Variants in DRC3 observed in about 807,000 individuals in gnomAD.
DRC3 encodes leucine rich repeat containing 48.
DRC3 carries 45 observed loss-of-function variants against 57.6 expected under a neutral mutation model. That is an observed-to-expected ratio of 0.78 (90% CI 0.62 to 1.00). The LOEUF (loss-of-function observed/expected upper bound fraction) is 1.00. Ranked by LOEUF, DRC3 falls within the 50% of genes least tolerant of loss-of-function variation. The pLI is 0.00. For synonymous variants in DRC3, 257 were observed against 272.3 expected (o/e 0.94, Z 0.55); for missense variants, 655 against 675.2 (o/e 0.97, Z 0.33).
intron 3 of DRC3, among the ~76,000 whole-genome samples, chr17:17,982,963 G>T (rs1010152282): frequency 6.6e-6 from 1 of 152,240 alleles, no homozygotes; most frequent in Non-Finnish European, 1.5e-5. Context: ...AGAGCTGTAC[G>T]TGGCTTCTGG....
At position 17,991,099 on chromosome 17, in the gene DRC3, TCATAATTTAGC is replaced by T. The variant is rs543427432; in HGVS notation, c.445-1665_445-1655del. On this transcript the variant is annotated intron_variant, in intron 5 of 13. Coordinates refer to ENST00000399187, the MANE Select transcript of DRC3 (RefSeq NM_031294.4). Reference sequence around the variant, plus strand: ...ACAGGCCTTGTTCCCCACTGTATCTTCATAATTTAGCACATGCCGGAGGCCTGCTAGGTGAC... The same window carrying T: ...ACAGGCCTTGTTCCCCACTGTATCTTACATGCCGGAGGCCTGCTAGGTGAC... Among the ~76,000 whole-genome samples the T allele has an allele frequency of 2.7e-3, 415 of 152,332 alleles. 2 individuals are homozygous for T. The highest frequency in any genetic ancestry group is 9.6e-3 in the African/African-American group (397 of 41,564).
intron 2 of DRC3, among the ~76,000 whole-genome samples, chr17:17,975,772 G>A (rs759287533): frequency 1.4e-4 from 21 of 152,164 alleles, no homozygotes; most frequent in Non-Finnish European, 2.2e-4. Context: ...TTGGGAGGAC[G>A]GAAGGCACAG....
chr17:17,989,514 T>G (rs2043128508), intron 5 of DRC3: 1 of 152,410 alleles, frequency 6.6e-6, no homozygotes, highest in African/African-American at 2.4e-5. Flanking sequence ...TAAGAGAAGC[T>G]GGCCCCAAAC....
intron 12 of DRC3, among the ~76,000 whole-genome samples, chr17:18,010,064 G>A (rs2044115234): frequency 6.6e-6 from 1 of 152,208 alleles, no homozygotes; most frequent in Admixed American, 6.5e-5. Context: ...AGGGCAGGGT[G>A]AGTGCTCAGG....
Position 17,977,677 on chromosome 17 carries a change from C to T in DRC3, c.79C>T (p.Pro27Ser). ...MLKLAVGDQG[P>S]QEEAGQLAKQ... ...CAAGCTGGCCGTCGGGGACCAGGGC[C>T]CCCAGGAGGAGGCCGGGCAGCTGGC... Residue 27 changes from proline to serine, a missense_variant, in exon 3 of 14, where the codon CCC (proline) becomes TCC (serine). Transcript: ENST00000399187. 6.2e-7 allele frequency: 1 copy of T among 1,613,882 alleles called. No individual in the cohort carries two copies.
chr17:18,016,674 G>T lies in DRC3; in HGVS notation c.*3G>T. On this transcript the variant is annotated 3_prime_UTR_variant, in exon 14 of 14. Transcript: ENST00000399187. ...AATGTGGCGACATCCTAGACTAGAT[G>T]AATGTCAGCCACAGGAGCTTCTTCA... 8.2e-6 allele frequency: 13 copies of T among 1,594,746 alleles called. No homozygotes were observed. Among genetic ancestry groups the T allele is most frequent in the Non-Finnish European group, 1.1e-5 (13 of 1,162,814 alleles).
chr17:17,982,017 C>T (rs2042715744), intron 3 of DRC3, among the ~76,000 whole-genome samples: 1 of 149,334 alleles, frequency 6.7e-6, no homozygotes, highest in East Asian at 2.0e-4. Context: ...TTTTTTTAAA[C>T]AGTCTCACTC....
intron 3 of DRC3, among the ~76,000 whole-genome samples, chr17:17,979,598 T>C (rs2042556152): frequency 6.6e-6 from 1 of 152,176 alleles, no homozygotes; most frequent in South Asian, 2.1e-4. Context: ...TCCTGATTTG[T>C]TGTGTTGTTT....
At position 17,994,415 on chromosome 17, in the gene DRC3, C is replaced by T. The variant is rs889301896; in HGVS notation, c.708C>T (p.His236=). Residue 236 remains histidine (H), a synonymous_variant, in exon 7 of 14, where the codon CAC becomes CAT. Transcript: ENST00000399187. ...CGCAGCGGGAGGAGCTAGAGAAGCACAAGGTACCGTTCCGGCAGGCTGCAC... is the reference window on the plus strand; with the variant it reads ...CGCAGCGGGAGGAGCTAGAGAAGCATAAGGTACCGTTCCGGCAGGCTGCAC... The part of the protein sequence containing the change: ...EQAQREELEK[H]KTAFVEHLNG... The T allele has an allele frequency of 6.4e-6, 10 of 1,551,934 alleles. No individual in the cohort carries two copies. In the Admixed American group the frequency reaches 1.2e-4, roughly 18 times the overall value.
chr17:17,994,942 GAT>G, intron 7 of DRC3, 55 bp from the exon 8 acceptor site: 1 of 1,189,954 alleles, frequency 8.4e-7, no homozygotes, highest in Admixed American at 1.7e-5. Flanking sequence ...GGGCCTGTGA[GAT>G]GATGCAGGGG....
chr17:18,014,186 C>A (rs545925120), intron 12 of DRC3, among the ~76,000 whole-genome samples: 2 of 152,310 alleles, frequency 1.3e-5, no homozygotes, highest in East Asian at 3.9e-4. Context: ...CTTGGCCTCC[C>A]AAAGTGCTGA....
At chr17:18,016,535 CG>C in intron 13 of DRC3, 22 bp from the exon 14 acceptor site, 1 of 1,511,594 alleles carries the variant, frequency 6.6e-7, no homozygotes, top group Middle Eastern at 1.7e-4. Flanking sequence ...TGTAAGGAAT[CG>C]GGCTTTGGTT....
chr17:17,986,209 G>T (rs1382423696), intron 4 of DRC3, among the ~76,000 whole-genome samples: 1 of 152,200 alleles, frequency 6.6e-6, no homozygotes, highest in Admixed American at 6.5e-5. Context: ...ACTGCACCTG[G>T]CCCGAACCTC....
Position 18,004,376 on chromosome 17 carries a change from T to C in DRC3, c.1013T>C (p.Ile338Thr). The change falls in exon 10 of 14, where the codon ATT becomes ACT. Residue 338 changes from isoleucine (I) to threonine (T), a missense_variant. Ile to Thr is a moderately conservative substitution (Grantham distance 89). Transcript: ENST00000399187. ...TATTGTTTCTAGAGTTTAAGTGCCA[T>C]TCGAGAGGAGTTGGAACTGCCCAAC... ...EEKHLSSLSA[I>T]REELELPNIE... 6.2e-7 allele frequency: 1 copy of C among 1,604,116 alleles called. No homozygotes were observed. Among genetic ancestry groups the C allele is most frequent in the Non-Finnish European group, 8.5e-7 (1 of 1,174,774 alleles).
Position 18,006,256 on chromosome 17 carries a change from A to G in DRC3, c.1202+3A>G, listed in dbSNP as rs2043946595. On this transcript the variant is annotated splice_donor_region_variant and intron_variant, in intron 11 of 13. Coordinates refer to ENST00000399187, the MANE Select transcript of DRC3 (RefSeq NM_031294.4). ...TTTATCGAAAATGTCCAAAGCCTAT[A>G]TCCTTTCTGTGATGACCTTCCCCAT... 3.1e-6 allele frequency: 5 copies of G among 1,606,858 alleles called. No homozygotes were observed. Among genetic ancestry groups the G allele is most frequent in the Non-Finnish European group, 3.4e-6 (4 of 1,174,626 alleles).
At chr17:17,974,498 G>T (rs901265350) in intron 2 of DRC3, among the ~76,000 whole-genome samples, 5 of 151,990 alleles carry the variant, frequency 3.3e-5, no homozygotes, top group African/African-American at 7.3e-5. Context: ...CAGCCTCCAG[G>T]GTAGCTGGGA....
At chr17:18,001,522 T>G (rs1375403688) in intron 9 of DRC3, among the ~76,000 whole-genome samples, 1 of 151,990 alleles carries the variant, frequency 6.6e-6, no homozygotes, top group Non-Finnish European at 1.5e-5. Flanking sequence ...AAAAAAATGT[T>G]ATTACTTTGT....
chr17:18,007,697 C>A (rs2044031262), intron 12 of DRC3: 4 of 1,306,106 alleles, frequency 3.1e-6, no homozygotes, highest in African/African-American at 1.5e-5. Context: ...CGCTGGGTCC[C>A]GCGGCAGCAT....
chr17:17,988,479 A>C, intron 5 of DRC3: 1 of 179,356 alleles, frequency 5.6e-6, no homozygotes, highest in Non-Finnish European at 1.2e-5. Context: ...CCCCATAGTC[A>C]AGGCACAAGG....
Sources: gnomAD v4.1 joint callset for allele counts (sites outside exome capture counted in the v4.1 genomes callset) on GRCh38, gnomAD v4.1.1 for gene constraint, MANE v1.5 for transcripts, NCBI Gene and HGNC (gene_info 2026-07-23, HGNC 2026-07-21) for gene names.